ENDOD1: variants seen among roughly 807,000 people sequenced by gnomAD.
The protein encoded by ENDOD1 is endonuclease domain-containing 1 protein.
In ENDOD1, 9 loss-of-function variants were observed where a neutral mutation model predicts 6.5. That is an observed-to-expected ratio of 1.39 (90% CI 0.84 to 2.43). ENDOD1 has a LOEUF of 2.43. Ranked by LOEUF, ENDOD1 falls within the 30% of genes most tolerant of loss-of-function variation. The probability of loss-of-function intolerance (pLI) is 0.00; values close to 1 mark genes in which losing one functional copy is unlikely to be tolerated. For synonymous variants in ENDOD1, 255 were observed against 255.2 expected, an observed-to-expected ratio of 1.00 and a Z score of 0.01; for missense variants, 648 against 635.5, an observed-to-expected ratio of 1.02 and a Z score of -0.21.
chr11:95,110,941 T>G (rs1399321867), intron 1 of ENDOD1, among the ~76,000 whole-genome samples: 5 of 152,156 alleles, frequency 3.3e-5, no homozygotes, highest in Non-Finnish European at 5.9e-5. Flanking sequence ...GTCTCTGAGC[T>G]ATTTCAGAGA....
In ENDOD1 at chr11:95,132,417, C is replaced by T. The variant is rs1451262570; in HGVS notation, c.*2838C>T. 6.6e-6 allele frequency: 1 copy of T among 152,444 alleles called. No individual in the cohort carries two copies. Among genetic ancestry groups the T allele is most frequent in the Non-Finnish European group, 1.5e-5 (1 of 68,032 alleles). The allele number at this position is 152,444 out of a possible 1,614,324, so 9.4% of individuals were successfully genotyped here. A position where few individuals can be genotyped will look rare whatever the true frequency, so the allele number is the denominator to read the frequency against. On this transcript the variant is annotated 3_prime_UTR_variant, in exon 2 of 2. Coordinates refer to ENST00000278505, the MANE Select transcript of ENDOD1 (RefSeq NM_015036.3). ...GCATGGATTTCATCTTTGAGGAGTT[C>T]AAAACCTAGTGGAGAGAACACATGG...
intron 1 of ENDOD1, among the ~76,000 whole-genome samples, chr11:95,116,299 CATA>C (rs1200510864): frequency 6.6e-6 from 1 of 152,108 alleles, no homozygotes; most frequent in Non-Finnish European, 1.5e-5. Context: ...AGTAGCCACT[CATA>C]GTAGATATTT....
intron 1 of ENDOD1, among the ~76,000 whole-genome samples, chr11:95,097,154 C>CTAA (rs1565443579): frequency 2.6e-4 from 36 of 140,102 alleles, no homozygotes; most frequent in African/African-American, 5.6e-4. Context: ...GACCCTGTTT[C>CTAA]AAAAAAAAAA....
At chr11:95,091,093 G>C (rs1858926756) in intron 1 of ENDOD1, among the ~76,000 whole-genome samples, 1 of 152,140 alleles carries the variant, frequency 6.6e-6, no homozygotes, top group East Asian at 1.9e-4. Context: ...GAAGCCCTCA[G>C]AGTCTTCCGA....
intron 1 of ENDOD1, among the ~76,000 whole-genome samples, chr11:95,102,679 AAAAC>A (rs35238416): frequency 0.019 from 2,951 of 151,750 alleles, 60 homozygotes; most frequent in Non-Finnish European, 0.027. Context: ...CTCAAAAACA[AAAAC>A]AAACAAACAA....
In ENDOD1 at chr11:95,128,968, T is replaced by A. The variant is rs1475607054; in HGVS notation, c.892T>A (p.Ser298Thr). The stretch of plus-strand genomic sequence containing the variant: ...CCAGGATGAAGAACGAATGGTACAA[T>A]CTCAAAAGAGTTCTAGTCCCCTTTC... Reference protein sequence around the residue: ...QIQDEERMVQSQKSSSPLSST... With the variant: ...QIQDEERMVQTQKSSSPLSST... The change falls in exon 2 of 2, where the codon TCT (serine) becomes ACT (threonine). Residue 298 changes from serine (S) to threonine (T), a missense_variant. By Grantham distance (58) the Ser-to-Thr change is moderately conservative. Transcript: ENST00000278505. 1 of 1,613,992 alleles carries A rather than the reference T, an allele frequency of 6.2e-7. No homozygotes were observed. The highest frequency in any genetic ancestry group is 8.5e-7 in the Non-Finnish European group (1 of 1,180,008).
chr11:95,128,728 T>G lies in ENDOD1; in HGVS notation c.652T>G (p.Phe218Val), dbSNP rs748042423. The G allele has an allele frequency of 6.2e-6, 10 of 1,613,820 alleles. No individual in the cohort carries two copies. Among genetic ancestry groups the G allele is most frequent in the East Asian group, 2.2e-5 (1 of 44,872 alleles). ...TAAAGACAAAGTGGCAGTCCCTGAG[T>G]TTGTTTGGCTGGCAGCCTGTTGTGC... is the stretch of plus-strand genomic sequence containing the variant. ...RVKDKVAVPE[F>V]VWLAACCAVP... is the part of the protein sequence containing the mutation. The change falls in exon 2 of 2, where the codon TTT becomes GTT. Residue 218 changes from phenylalanine to valine, a missense_variant. Phe to Val is a conservative substitution (Grantham distance 50). Coordinates refer to ENST00000278505, the MANE Select transcript of ENDOD1 (RefSeq NM_015036.3).
chr11:95,111,047 C>T (rs1027513719), intron 1 of ENDOD1, among the ~76,000 whole-genome samples: 1 of 152,134 alleles, frequency 6.6e-6, no homozygotes, highest in Non-Finnish European at 1.5e-5. Flanking sequence ...AGGAGGCCAG[C>T]GAGCAGTGTT....
intron 1 of ENDOD1, among the ~76,000 whole-genome samples, chr11:95,090,469 A>AG (rs56919307): frequency 1 from 151,679 of 152,254 alleles, 75,552 homozygotes; most frequent in East Asian, 1. Context: ...CATGAGCTGC[A>AG]GGGCGGGAGG....
At chr11:95,090,379 C>A in intron 1 of ENDOD1, 152 bp downstream of exon 1, 2 of 1,069,670 alleles carry the variant, frequency 1.9e-6, no homozygotes, top group Non-Finnish European at 2.4e-6. Context: ...TCCAGGTCCA[C>A]CCTGTTGCGT....
rs141347722 is a variant in ENDOD1 at position 95,132,098 on chromosome 11, C to T, written c.*2519C>T. 2.6e-5 allele frequency: 4 copies of T among 152,728 alleles called. No homozygotes were observed. In the East Asian group the frequency reaches 7.7e-4, roughly 29 times the overall value. The allele number at this position is 152,728 out of a possible 1,614,324, so 9.5% of individuals were successfully genotyped here. ...GGTAGAGGTTGGGGTTTATGAACCC[C>T]AACTCTGGCTTAAAGATCTTGCTGT... On this transcript the variant is annotated 3_prime_UTR_variant, in exon 2 of 2. Transcript: ENST00000278505.
chr11:95,101,314 G>A (rs145361020), intron 1 of ENDOD1, among the ~76,000 whole-genome samples: 13 of 152,282 alleles, frequency 8.5e-5, no homozygotes, highest in Non-Finnish European at 1.6e-4. Context: ...CTGGTGTAGC[G>A]TAATTCCAGC....
In ENDOD1 at chr11:95,130,582, A is replaced by T. The variant is rs1357369915; in HGVS notation, c.*1003A>T. On this transcript the variant is annotated 3_prime_UTR_variant, in exon 2 of 2. Transcript: ENST00000278505. ...GAAATAAGTACCCAGCACAGTAAAA[A>T]TACTCTGACTTATGTCCCTAAATGG... is the stretch of plus-strand genomic sequence containing the variant. 2 of 152,238 alleles carry T rather than the reference A, an allele frequency of 1.3e-5. No individual in the cohort carries two copies. Among genetic ancestry groups the T allele is most frequent in the Non-Finnish European group, 2.9e-5 (2 of 68,052 alleles). The allele number at this position is 152,238 out of a possible 1,614,324, so 9.4% of individuals were successfully genotyped here. A position where few individuals can be genotyped will look rare whatever the true frequency, so the allele number is the denominator to read the frequency against.
Position 95,096,227 on chromosome 11 carries a change from C to CTTTTTTTTTTTTTTTTTT in ENDOD1, c.300+6008_300+6025dup, listed in dbSNP as rs10660230. Among the ~76,000 whole-genome samples, 32 of 49,964 alleles carry CTTTTTTTTTTTTTTTTTT rather than the reference C, an allele frequency of 6.4e-4. 10 individuals are homozygous for CTTTTTTTTTTTTTTTTTT. Among genetic ancestry groups the CTTTTTTTTTTTTTTTTTT allele is most frequent in the East Asian group, 1.4e-3 (2 of 1,476 alleles). 32.8% of individuals were successfully genotyped at this position (49,964 alleles called of 152,430 possible). A position where few individuals can be genotyped will look rare whatever the true frequency, so the allele number is the denominator to read the frequency against. On this transcript the variant is annotated intron_variant, in intron 1 of 1. Coordinates refer to ENST00000278505, the MANE Select transcript of ENDOD1 (RefSeq NM_015036.3). ...CTAGAATTACTGTTAGTCAAGAAAG[C>CTTTTTTTTTTTTTTTTTT]TTTTTTTTTTTTTTTTTTTTTTTTT...
intron 1 of ENDOD1, among the ~76,000 whole-genome samples, chr11:95,116,503 G>T (rs1032886580): frequency 3.3e-5 from 5 of 151,968 alleles, no homozygotes; most frequent in African/African-American, 1.2e-4. Context: ...TTTCTGCTCT[G>T]ATCTTTATTT....
chr11:95,090,161 C>T lies in ENDOD1; in HGVS notation c.234C>T (p.Tyr78=). 2 of 1,462,774 alleles carry T rather than the reference C, an allele frequency of 1.4e-6. No homozygotes were observed. The allele number at this position is 1,462,774 out of a possible 1,614,324, so 90.6% of individuals were successfully genotyped here. A position where few individuals can be genotyped will look rare whatever the true frequency, so the allele number is the denominator to read the frequency against. The change falls in exon 1 of 2, where the codon TAC becomes TAT. Residue 78 remains tyrosine, a synonymous_variant. Transcript: ENST00000278505. ...LYSTRDRIPV[Y]SAFRAPRPAP... is the part of the protein sequence containing the mutation. Reference sequence around the variant, plus strand: ...GCACCCGGGACCGCATCCCCGTGTACTCCGCGTTCCGCGCCCCGCGCCCTG... The same window carrying T: ...GCACCCGGGACCGCATCCCCGTGTATTCCGCGTTCCGCGCCCCGCGCCCTG...
At chr11:95,109,734 T>C (rs1260366948) in intron 1 of ENDOD1, among the ~76,000 whole-genome samples, 1 of 152,274 alleles carries the variant, frequency 6.6e-6, no homozygotes, top group East Asian at 1.9e-4. Flanking sequence ...CCTGCTGCCA[T>C]GCTGCTCCTT....
In ENDOD1 at chr11:95,090,024, G is replaced by T. The variant is rs1282927157; in HGVS notation, c.97G>T (p.Glu33Ter). 3.1e-6 allele frequency: 5 copies of T among 1,591,806 alleles called. No homozygotes were observed. The highest frequency in any genetic ancestry group is 4.3e-6 in the Non-Finnish European group (5 of 1,170,898). ...GGGCGAGGAGGAAGCCGGCTTTGGC[G>T]AATGTGACAAGTTCTTCTACGCCGG... ...LVGEEEAGFG[E>*]CDKFFYAGTP... Residue 33 changes from glutamate to a stop codon, truncating the protein, a stop_gained, in exon 1 of 2, where the codon GAA (glutamate) becomes TAA (stop). Transcript: ENST00000278505. LOFTEE classifies it high-confidence loss of function.
chr11:95,118,859 C>A (rs1859236092), intron 1 of ENDOD1, among the ~76,000 whole-genome samples: 1 of 151,934 alleles, frequency 6.6e-6, no homozygotes, highest in Non-Finnish European at 1.5e-5. Flanking sequence ...TATTCTTTTT[C>A]TTTTGTCTCT....
Sources: gnomAD v4.1 joint callset for allele counts (sites outside exome capture counted in the v4.1 genomes callset) on GRCh38, gnomAD v4.1.1 for gene constraint, MANE v1.5 for transcripts, NCBI Gene and HGNC (gene_info 2026-07-23, HGNC 2026-07-21) for gene names.